CYRIA: variants seen among roughly 807,000 people sequenced by gnomAD.
CYRIA encodes CYFIP related Rac1 interactor A, also known as CYFIP-related Rac1 interactor A.
A neutral mutation model predicts 43.9 loss-of-function variants in CYRIA; 15 were observed. That is an observed-to-expected ratio of 0.34 (90% CI 0.23 to 0.53). The LOEUF is 0.53. Ranked by LOEUF, CYRIA falls within the 20% of genes least tolerant of loss-of-function variation. The probability of loss-of-function intolerance (pLI) is 0.94; values close to 1 mark genes in which losing one functional copy is unlikely to be tolerated. For missense variants in CYRIA, 236 were observed against 394.2 expected (o/e 0.60, Z 3.40); for synonymous variants, 117 against 136.0 (o/e 0.86, Z 0.97).
Position 16,555,071 on chromosome 2 carries a change from G to C in CYRIA, c.906C>G (p.Leu302=). 1 of 1,612,962 alleles carries C rather than the reference G, an allele frequency of 6.2e-7. No individual in the cohort carries two copies. The highest frequency in any genetic ancestry group is 8.5e-7 in the Non-Finnish European group (1 of 1,179,388). The change falls in exon 11 of 12, where the codon CTC becomes CTG. Residue 302 remains leucine (L), a splice_region_variant and synonymous_variant. Transcript: ENST00000381323. ...GCTGACACAGGGTTGAAGCTCACCT[G>C]AGGGCATTTAGCAGCCCCTCCACAC... The part of the protein sequence containing the change: ...PDSVEGLLNA[L]RFTTKHLNDE...
intron 2 of CYRIA, among the ~76,000 whole-genome samples, chr2:16,610,350 T>A (rs1416074930): frequency 6.6e-6 from 1 of 152,222 alleles, no homozygotes. Context: ...TGTCGAATAC[T>A]CCTGCACTAT....
At chr2:16,626,038 T>C (rs540775715) in intron 1 of CYRIA, among the ~76,000 whole-genome samples, 12 of 152,190 alleles carry the variant, frequency 7.9e-5, no homozygotes, top group African/African-American at 2.4e-4. Flanking sequence ...TTTTGTTGAC[T>C]CCATTTACTT....
Position 16,558,971 on chromosome 2 carries a change from G to C in CYRIA, c.837+489C>G, listed in dbSNP as rs139750067. Among the ~76,000 whole-genome samples the C allele has an allele frequency of 2.0e-5, 3 of 152,278 alleles. No individual in the cohort carries two copies. The East Asian group carries it at 5.8e-4, about 29-fold the overall frequency. On this transcript the variant is annotated intron_variant, in intron 10 of 11. Coordinates refer to ENST00000381323, the MANE Select transcript of CYRIA (RefSeq NM_030797.4). ...AAGAGGAAGGGCTCTCTCGGCAAGA[G>C]AAAGGACTCACACATATCACGTATA...
chr2:16,575,622 GA>G (rs1445579033), intron 3 of CYRIA, among the ~76,000 whole-genome samples: 1 of 152,048 alleles, frequency 6.6e-6, no homozygotes, highest in Non-Finnish European at 1.5e-5. Context: ...TTGGGAGGCC[GA>G]GGCGGGCGGA....
At chr2:16,558,133 A>C (rs1180760848) in intron 10 of CYRIA, among the ~76,000 whole-genome samples, 1 of 152,170 alleles carries the variant, frequency 6.6e-6, no homozygotes, top group Non-Finnish European at 1.5e-5. Flanking sequence ...TGCTGTATGA[A>C]CGGTGATCCT....
At chr2:16,613,034 C>T (rs575507689) in intron 2 of CYRIA, among the ~76,000 whole-genome samples, 33 of 152,324 alleles carry the variant, frequency 2.2e-4, no homozygotes, top group African/African-American at 6.5e-4. Context: ...ATTCGTCTTC[C>T]TCCTTGACTG....
chr2:16,617,906 G>T (rs1284223435), intron 2 of CYRIA, among the ~76,000 whole-genome samples: 1 of 152,176 alleles, frequency 6.6e-6, no homozygotes, highest in East Asian at 1.9e-4. Context: ...GCTGACCAAG[G>T]TTAACTGGTG....
At chr2:16,617,241 T>C (rs1014657115) in intron 2 of CYRIA, among the ~76,000 whole-genome samples, 8 of 152,194 alleles carry the variant, frequency 5.3e-5, no homozygotes, top group Non-Finnish European at 1.0e-4. Context: ...AGTGGGGTCC[T>C]TAGAGGAAAC....
chr2:16,559,552 G>C lies in CYRIA; in HGVS notation c.745C>G (p.Leu249Val). Residue 249 changes from leucine to valine, a missense_variant, in exon 10 of 12, where the codon CTG becomes GTG. Around this residue, in one of 3 missense-constraint regions of CYRIA, gnomAD observed 193 missense variants for 303.9 expected, o/e 0.64. Transcript: ENST00000381323. Reference protein sequence around the residue: ...YRSRFTSEETLMFCMRVMVGV... With the variant: ...YRSRFTSEETVMFCMRVMVGV... ...ACCATCACCCTCATGCAGAACATCA[G>C]GGTCTCTTCACTCGTAAACCTACTT... 1.9e-6 allele frequency: 3 copies of C among 1,613,134 alleles called. No individual in the cohort carries two copies. The highest frequency in any genetic ancestry group is 2.5e-6 in the Non-Finnish European group (3 of 1,179,422).
At chr2:16,566,825 T>C in intron 3 of CYRIA, among the ~76,000 whole-genome samples, 1 of 152,194 alleles carries the variant, frequency 6.6e-6, no homozygotes, top group East Asian at 1.9e-4. Context: ...GCAATTCCTA[T>C]GCAATAGGTT....
chr2:16,645,313 G>A (rs1056814430), intron 1 of CYRIA, among the ~76,000 whole-genome samples: 6 of 149,830 alleles, frequency 4.0e-5, no homozygotes, highest in Non-Finnish European at 7.4e-5. Flanking sequence ...CAAAGGTATG[G>A]CATTTGGAAC....
intron 10 of CYRIA, among the ~76,000 whole-genome samples, chr2:16,557,073 C>T (rs1299335476): frequency 1.3e-5 from 2 of 152,102 alleles, no homozygotes; most frequent in Admixed American, 1.3e-4. Context: ...GAGGTGATTA[C>T]TTATTGGGTC....
chr2:16,660,598 A>G (rs1251981258), intron 1 of CYRIA, among the ~76,000 whole-genome samples: 3 of 152,206 alleles, frequency 2.0e-5, no homozygotes, highest in Non-Finnish European at 4.4e-5. Flanking sequence ...CTAGCACAAC[A>G]CAGAGCAAGA....
chr2:16,652,523 T>C (rs925264736), intron 1 of CYRIA, among the ~76,000 whole-genome samples: 17 of 152,330 alleles, frequency 1.1e-4, no homozygotes, highest in Admixed American at 3.3e-4. Context: ...CATTTTGCTC[T>C]GTAAAGGGAA....
At position 16,662,802 on chromosome 2, in the gene CYRIA, AC is replaced by A. The variant is rs747084042; in HGVS notation, c.-167+2977del. ...TCACCTGATTCAACCCTCATGGGTG[AC>A]CTAGTCAAGTGGCCACCTCTGGGCC... On this transcript the variant is annotated intron_variant, in intron 1 of 11. Coordinates refer to ENST00000381323, the MANE Select transcript of CYRIA (RefSeq NM_030797.4). Among the ~76,000 whole-genome samples, 114 of 152,308 alleles carry A rather than the reference AC, an allele frequency of 7.5e-4. 1 individual carries two copies. The highest frequency in any genetic ancestry group is 7.2e-4 in the Non-Finnish European group (49 of 68,032).
At chr2:16,624,097 A>C (rs1223797890) in intron 1 of CYRIA, 78 bp from the exon 2 acceptor site, 1 of 152,242 alleles carries the variant, frequency 6.6e-6, no homozygotes, top group African/African-American at 2.4e-5. Context: ...TTTTTTAAGG[A>C]GAGCAGAGAG....
At chr2:16,584,514 C>T (rs1667657732) in intron 3 of CYRIA, among the ~76,000 whole-genome samples, 1 of 152,150 alleles carries the variant, frequency 6.6e-6, no homozygotes, top group Admixed American at 6.6e-5. Context: ...CCTAATGTTC[C>T]CATCTGCTCA....
intron 1 of CYRIA, among the ~76,000 whole-genome samples, chr2:16,660,907 A>G (rs1196234233): frequency 6.6e-6 from 1 of 152,200 alleles, no homozygotes; most frequent in Non-Finnish European, 1.5e-5. Flanking sequence ...CGTGGGGGAA[A>G]TGGGATTCTT....
intron 3 of CYRIA, among the ~76,000 whole-genome samples, chr2:16,568,789 A>T (rs566653788): frequency 1.4e-4 from 22 of 152,336 alleles, no homozygotes; most frequent in African/African-American, 5.3e-4. Flanking sequence ...ATGGGAAAGA[A>T]GAAGGCACTC....
Sources: allele counts gnomAD v4.1 joint callset (sites outside exome capture counted in the v4.1 genomes callset), GRCh38; gene constraint gnomAD v4.1.1; regional missense constraint gnomAD v4.1.1; transcripts MANE v1.5; gene names NCBI Gene and HGNC (gene_info 2026-07-23, HGNC 2026-07-21).